NCBP1: variants seen among roughly 807,000 people sequenced by gnomAD.
The protein encoded by NCBP1 is nuclear cap binding protein subunit 1.
NCBP1 carries 16 observed loss-of-function variants against 111.7 expected under a neutral mutation model. The observed-to-expected ratio is 0.14, with a 90% CI of 0.10 to 0.22. NCBP1 has a LOEUF of 0.22. Ranked by LOEUF, NCBP1 falls within the 10% of genes least tolerant of loss-of-function variation. NCBP1 has a pLI of 1.00. For synonymous variants in NCBP1, 304 were observed against 314.3 expected, an observed-to-expected ratio of 0.97 and a Z score of 0.35; for missense variants, 607 against 957.5, an observed-to-expected ratio of 0.63 and a Z score of 4.83.
At chr9:97,663,669 G>C (rs996139123) in intron 18 of NCBP1, among the ~76,000 whole-genome samples, 3 of 151,742 alleles carry the variant, frequency 2.0e-5, no homozygotes, top group Non-Finnish European at 2.9e-5. Flanking sequence ...ATTTTTAGTA[G>C]AGATGGGGTT....
chr9:97,633,888 C>T lies in NCBP1; in HGVS notation c.7C>T (p.Arg3Trp). 3 of 1,588,180 alleles carry T rather than the reference C, an allele frequency of 1.9e-6. No individual in the cohort carries two copies. The highest frequency in any genetic ancestry group is 2.6e-6 in the Non-Finnish European group (3 of 1,173,326). Residue 3 changes from arginine (R) to tryptophan (W), a missense_variant, in exon 1 of 23, where the codon CGG (arginine) becomes TGG (tryptophan). By Grantham distance (101) the Arg-to-Trp change is moderately radical (BLOSUM62 -3). Around this residue, in one of 9 missense-constraint regions of NCBP1, gnomAD observed 185 missense variants for 272.0 expected, o/e 0.68. Transcript: ENST00000375147. ...CGGCGCACCGGAGGGCAGCATGTCGCGGCGGCGGCACAGCGACGAGAACGA... is the reference window on the plus strand; with the variant it reads ...CGGCGCACCGGAGGGCAGCATGTCGTGGCGGCGGCACAGCGACGAGAACGA... The part of the protein sequence containing the change: MS[R>W]RRHSDENDGG...
Position 97,671,313 on chromosome 9 carries a change from A to G in NCBP1, c.*114A>G, listed in dbSNP as rs1828186820. ...TAGTATCCTTTCACTTCTTAAAGGA[A>G]ACAAAGGGGAAGAGGACAGTGAATG... On this transcript the variant is annotated 3_prime_UTR_variant, in exon 23 of 23. Coordinates refer to ENST00000375147, the MANE Select transcript of NCBP1 (RefSeq NM_002486.5). 1.3e-6 allele frequency: 1 copy of G among 742,068 alleles called. No individual in the cohort carries two copies. The highest frequency in any genetic ancestry group is 3.0e-5 in the Admixed American group (1 of 33,690). 46.0% of individuals were successfully genotyped at this position (742,068 alleles called of 1,614,324 possible).
chr9:97,653,231 C>T (rs1233884788), intron 10 of NCBP1, among the ~76,000 whole-genome samples: 1 of 151,420 alleles, frequency 6.6e-6, no homozygotes, highest in Non-Finnish European at 1.5e-5. Context: ...AGCAGTTCTC[C>T]TGCCTCAGGC....
chr9:97,647,882 CTT>C, intron 7 of NCBP1, 124 bp from the exon 8 acceptor site: 1 of 866,936 alleles, frequency 1.2e-6, no homozygotes, highest in Non-Finnish European at 1.8e-6. Flanking sequence ...AACTTAGCAC[CTT>C]TTTTTGTACC....
At position 97,664,329 on chromosome 9, in the gene NCBP1, T is replaced by C; in HGVS notation, c.1798-11T>C. ...TGTGTGTGATTTACTTGAATAATTC[T>C]CTCATTGTAGATGATTGCTGTACTA... On this transcript the variant is annotated splice_polypyrimidine_tract_variant and intron_variant, in intron 18 of 22. Coordinates refer to ENST00000375147, the MANE Select transcript of NCBP1 (RefSeq NM_002486.5). 1.9e-6 allele frequency: 3 copies of C among 1,545,544 alleles called. No homozygotes were observed. The Admixed American group carries it at 5.0e-5, about 26-fold the overall frequency.
At chr9:97,651,117 T>G (rs1239082288) in intron 9 of NCBP1, among the ~76,000 whole-genome samples, 193 bp from the exon 10 acceptor site, 3 of 152,178 alleles carry the variant, frequency 2.0e-5, no homozygotes, top group Non-Finnish European at 4.4e-5. Flanking sequence ...TCAAGAAATT[T>G]TGGATGCAGT....
chr9:97,642,709 C>A (rs1406752544), intron 3 of NCBP1, among the ~76,000 whole-genome samples: 1 of 152,026 alleles, frequency 6.6e-6, no homozygotes, highest in Admixed American at 6.6e-5. Flanking sequence ...AATTGTGCAT[C>A]TTTTCTAAAC....
intron 22 of NCBP1, 144 bp downstream of exon 22, chr9:97,669,850 C>G (rs16923269): frequency 0.29 from 209,110 of 713,354 alleles, 33,401 homozygotes; most frequent in African/African-American, 0.46. Flanking sequence ...GCTACCATTG[C>G]TCATCAGAAT....
chr9:97,661,130 T>TA, intron 16 of NCBP1, 62 bp downstream of exon 16: 1 of 1,589,062 alleles, frequency 6.3e-7, no homozygotes, highest in Non-Finnish European at 8.5e-7. Context: ...AGCATAAACA[T>TA]AACTCTGGCA....
intron 1 of NCBP1, among the ~76,000 whole-genome samples, chr9:97,636,408 C>G (rs1441646531): frequency 4.7e-5 from 7 of 149,378 alleles, no homozygotes; most frequent in African/African-American, 1.7e-4. Flanking sequence ...CCCTGACTTT[C>G]CGTATGCTTG....
Position 97,665,777 on chromosome 9 carries a change from A to G in NCBP1, c.1902-986A>G, listed in dbSNP as rs543014180. On this transcript the variant is annotated intron_variant, in intron 19 of 22. Transcript: ENST00000375147. ...CCCACCCACCCCACCCCACACAGTC[A>G]AAAATCTGCATAGAACTTTTAACTG... 6.3e-5 allele frequency among the ~76,000 whole-genome samples: 6 copies of G among 95,634 alleles called. No homozygotes were observed. The South Asian group carries it at 2.2e-3, about 36-fold the overall frequency. The allele number at this position is 95,634 out of a possible 152,430, so 62.7% of individuals were successfully genotyped here.
intron 12 of NCBP1, among the ~76,000 whole-genome samples, chr9:97,655,489 G>A (rs940248634): frequency 1.3e-5 from 2 of 152,084 alleles, no homozygotes; most frequent in Non-Finnish European, 2.9e-5. Context: ...AACATGTTAG[G>A]TGCCCGCACA....
At chr9:97,664,078 T>C (rs1827919053) in intron 18 of NCBP1, among the ~76,000 whole-genome samples, 1 of 151,610 alleles carries the variant, frequency 6.6e-6, no homozygotes, top group Non-Finnish European at 1.5e-5. Flanking sequence ...GCTCAGGAGG[T>C]TGAGGCAGGA....
intron 7 of NCBP1, 121 bp from the exon 8 acceptor site, chr9:97,647,887 T>C (rs1489184271): frequency 1.1e-6 from 1 of 889,340 alleles, no homozygotes; most frequent in Non-Finnish European, 1.7e-6. Context: ...AGCACCTTTT[T>C]TTGTACCATC....
At chr9:97,658,799 G>A (rs1827746715) in intron 15 of NCBP1, 56 bp downstream of exon 15, 2 of 1,317,706 alleles carry the variant, frequency 1.5e-6, no homozygotes, top group Non-Finnish European at 2.2e-6. Flanking sequence ...AAGTATATCT[G>A]AAGTTAGTTG....
chr9:97,641,805 C>A, intron 3 of NCBP1, 143 bp downstream of exon 3: 3 of 849,468 alleles, frequency 3.5e-6, no homozygotes, highest in Non-Finnish European at 4.7e-6. Flanking sequence ...ATGAGCCAAC[C>A]TTTGGCGCTT....
intron 8 of NCBP1, among the ~76,000 whole-genome samples, chr9:97,649,597 C>T (rs1827441788): frequency 6.6e-6 from 1 of 152,166 alleles, no homozygotes; most frequent in African/African-American, 2.4e-5. Flanking sequence ...GTTACATATA[C>T]AAAATTATCA....
chr9:97,656,681 T>C (rs1827665501), intron 14 of NCBP1, among the ~76,000 whole-genome samples: 1 of 152,234 alleles, frequency 6.6e-6, no homozygotes, highest in African/African-American at 2.4e-5. Context: ...TTATCATGTT[T>C]GCTCTCATGC....
intron 4 of NCBP1, 66 bp downstream of exon 4, chr9:97,643,426 A>G: frequency 2.1e-6 from 3 of 1,407,352 alleles, no homozygotes; most frequent in Non-Finnish European, 2.8e-6. Flanking sequence ...GTGAACTACA[A>G]CCAAATAATT....
Sources: allele counts gnomAD v4.1 joint callset (sites outside exome capture counted in the v4.1 genomes callset), GRCh38; gene constraint gnomAD v4.1.1; regional missense constraint gnomAD v4.1.1; transcripts MANE v1.5; gene names NCBI Gene and HGNC (gene_info 2026-07-23, HGNC 2026-07-21).